The following ZRANB2 variants were observed in gnomAD, a reference collection of about 807,000 sequenced individuals.
The protein encoded by ZRANB2 is zinc finger RANBP2-type containing 2.
A neutral mutation model predicts 53.4 loss-of-function variants in ZRANB2; 19 were observed. That is an observed-to-expected ratio of 0.36 (90% CI 0.25 to 0.52). The LOEUF is 0.52. ZRANB2 is among the 20% of genes least tolerant of loss of function. The pLI is 0.93. For missense variants in ZRANB2, 309 were observed against 401.1 expected (o/e 0.77, Z 1.96); for synonymous variants, 145 against 134.8 (o/e 1.08, Z -0.52).
chr1:71,071,188 G>A (rs1661587125), intron 6 of ZRANB2, among the ~76,000 whole-genome samples, 192 bp from the exon 7 acceptor site: 1 of 152,082 alleles, frequency 6.6e-6, no homozygotes, highest in Non-Finnish European at 1.5e-5. Context: ...CTCAGGTATT[G>A]CACAGACATA....
intron 8 of ZRANB2, among the ~76,000 whole-genome samples, chr1:71,067,876 T>TG (rs1661487645): frequency 7.1e-6 from 1 of 140,540 alleles, no homozygotes; most frequent in Admixed American, 7.7e-5. Context: ...TCTCTACTTC[T>TG]ATTTTTTTTT....
intron 5 of ZRANB2, 47 bp from the exon 6 acceptor site, chr1:71,072,302 A>C: frequency 6.6e-7 from 1 of 1,524,194 alleles, no homozygotes; most frequent in Non-Finnish European, 8.9e-7. Flanking sequence ...TAATGCATTA[A>C]ACTTAATACA....
Position 71,066,792 on chromosome 1 carries a change from A to G in ZRANB2, c.913T>C (p.Ser305Pro). The G allele has an allele frequency of 6.2e-7, 1 of 1,612,258 alleles. No homozygotes were observed. The highest frequency in any genetic ancestry group is 1.1e-5 in the South Asian group (1 of 90,234). ...SGDRKKRRTRSRSPERRHRSS... is the reference protein window; with the variant it reads ...SGDRKKRRTRPRSPERRHRSS... ...AACCCAAACCTTTCGGGTGACCGTG[A>G]TCTTGTTCGTCTTTTTTTGCGATCA... is the stretch of plus-strand genomic sequence containing the variant. Residue 305 changes from serine (S) to proline (P), a missense_variant, in exon 9 of 10, where the codon TCA becomes CCA. Physicochemically the swap from Ser to Pro is moderately conservative, Grantham distance 74. Coordinates refer to ENST00000370920, the MANE Select transcript of ZRANB2 (RefSeq NM_203350.3).
At chr1:71,068,381 T>G (rs770883013) in intron 8 of ZRANB2, among the ~76,000 whole-genome samples, 1 of 152,174 alleles carries the variant, frequency 6.6e-6, no homozygotes, top group Non-Finnish European at 1.5e-5. Flanking sequence ...TCATAATAAA[T>G]TAACTTAAAA....
intron 4 of ZRANB2, among the ~76,000 whole-genome samples, chr1:71,072,800 T>C (rs547337697): frequency 5.9e-5 from 9 of 152,254 alleles, no homozygotes; most frequent in East Asian, 1.9e-4. Context: ...ATTTAATTCA[T>C]AGAAAGTATT....
At chr1:71,066,751 T>C (rs1446618002) in intron 9 of ZRANB2, 25 bp downstream of exon 9, 2 of 1,606,818 alleles carry the variant, frequency 1.2e-6, no homozygotes, top group Admixed American at 3.4e-5. Context: ...AGAACACCCA[T>C]TCTTATTTCT....
At chr1:71,065,369 C>T (rs1295433901) in intron 9 of ZRANB2, among the ~76,000 whole-genome samples, 2 of 152,004 alleles carry the variant, frequency 1.3e-5, no homozygotes, top group African/African-American at 2.4e-5. Context: ...AAAAGAATCT[C>T]ATTTCAAAAT....
intron 8 of ZRANB2, 84 bp downstream of exon 8, chr1:71,069,192 A>T (rs970167864): frequency 8.7e-7 from 1 of 1,149,294 alleles, no homozygotes; most frequent in African/African-American, 1.6e-5. Flanking sequence ...TAGAAGCAAA[A>T]TAAGGGGAAA....
chr1:71,076,753 C>A (rs201724031), intron 4 of ZRANB2, 42 bp downstream of exon 4: 18 of 1,447,624 alleles, frequency 1.2e-5, no homozygotes, highest in Admixed American at 7.1e-5. Flanking sequence ...ATATTTAGTG[C>A]TTTAAAAAAA....
intron 4 of ZRANB2, among the ~76,000 whole-genome samples, chr1:71,074,046 T>G (rs1043104451): frequency 2.0e-5 from 3 of 152,138 alleles, no homozygotes. Context: ...TTTCCACTCT[T>G]GCCGCCACCT....
intron 8 of ZRANB2, chr1:71,067,775 T>C: frequency 2.6e-6 from 1 of 378,588 alleles, no homozygotes; most frequent in South Asian, 2.1e-5. Flanking sequence ...TTATAATGGT[T>C]CCCAAAGGGA....
intron 9 of ZRANB2, chr1:71,065,699 C>T (rs1424856274): frequency 1.2e-6 from 2 of 1,611,930 alleles, no homozygotes; most frequent in Non-Finnish European, 1.7e-6. Flanking sequence ...AGTGGTGTTC[C>T]GTAGGGGTTG....
At chr1:71,078,762 T>C in intron 1 of ZRANB2, 54 bp from the exon 2 acceptor site, 1 of 1,466,622 alleles carries the variant, frequency 6.8e-7, no homozygotes. Flanking sequence ...AAATTTTACA[T>C]TTTAACTTGT....
chr1:71,071,144 AAACTC>A (rs1661586425), intron 6 of ZRANB2, 148 bp from the exon 7 acceptor site: 1 of 652,102 alleles, frequency 1.5e-6, no homozygotes, highest in Non-Finnish European at 2.3e-6. Context: ...TTCACCTACT[AAACTC>A]ATCTCAAATA....
intron 8 of ZRANB2, among the ~76,000 whole-genome samples, chr1:71,068,413 T>G (rs1661508221): frequency 6.6e-6 from 1 of 152,296 alleles, no homozygotes; most frequent in Middle Eastern, 3.4e-3. Flanking sequence ...ATATTTTGAC[T>G]AAACAAAGAA....
intron 3 of ZRANB2, 44 bp from the exon 4 acceptor site, chr1:71,076,921 T>A (rs1465185207): frequency 1.5e-6 from 2 of 1,356,244 alleles, no homozygotes; most frequent in South Asian, 2.6e-5. Context: ...ATAATATAGA[T>A]GAATATCAAA....
At chr1:71,067,869 C>G (rs1661487238) in intron 8 of ZRANB2, among the ~76,000 whole-genome samples, 1 of 149,114 alleles carries the variant, frequency 6.7e-6, no homozygotes, top group Admixed American at 6.9e-5. Context: ...AATTTGCTCT[C>G]TACTTCTATT....
At position 71,063,639 on chromosome 1, in the gene ZRANB2, G is replaced by A. The variant is rs1661354951; in HGVS notation, c.*1435C>T. 6.6e-6 allele frequency: 1 copy of A among 152,268 alleles called. No individual in the cohort carries two copies. Among genetic ancestry groups the A allele is most frequent in the Non-Finnish European group, 1.5e-5 (1 of 67,850 alleles). The allele number at this position is 152,268 out of a possible 1,614,324, so 9.4% of individuals were successfully genotyped here. ...AAGTTCTTGTGCAACCTACATAAAC[G>A]CAGCAAAGAAACTTAAGACATAAAA... On this transcript the variant is annotated 3_prime_UTR_variant, in exon 10 of 10. Transcript: ENST00000370920.
chr1:71,079,354 C>A (rs1423045652), intron 1 of ZRANB2, among the ~76,000 whole-genome samples: 1 of 152,128 alleles, frequency 6.6e-6, no homozygotes, highest in African/African-American at 2.4e-5. Flanking sequence ...TTATACTCAA[C>A]AAACTCAAAC....
Sources: gnomAD v4.1 joint callset for allele counts (sites outside exome capture counted in the v4.1 genomes callset) on GRCh38, gnomAD v4.1.1 for gene constraint, MANE v1.5 for transcripts, NCBI Gene and HGNC (gene_info 2026-07-23, HGNC 2026-07-21) for gene names.